The following ABCA8 variants were observed in gnomAD, a reference collection of about 807,000 sequenced individuals.
ABCA8 encodes the protein ATP binding cassette subfamily A member 8.
Under a neutral mutation model 192.3 loss-of-function variants are expected in ABCA8, and 177 were observed. The ratio of observed to expected loss-of-function variants is 0.92; its 90% confidence interval spans 0.81 to 1.04. The LOEUF is 1.04. Ranked by LOEUF, ABCA8 falls within the 50% of genes least tolerant of loss-of-function variation. The pLI, the probability that ABCA8 is intolerant of heterozygous loss-of-function variation, is 0.00. For synonymous variants in ABCA8, 642 were observed against 690.2 expected (o/e 0.93, Z 1.09); for missense variants, 1,915 against 1,904.8 (o/e 1.01, Z -0.10).
chr17:68,952,281 C>G (rs982933973), intron 1 of ABCA8, among the ~76,000 whole-genome samples: 1 of 151,968 alleles, frequency 6.6e-6, no homozygotes, highest in African/African-American at 2.4e-5. Flanking sequence ...TGCAGTGGTG[C>G]GATCTCGGCT....
Position 68,912,330 on chromosome 17 carries a change from A to T in ABCA8, c.2139-4451T>A, listed in dbSNP as rs1197008960. ...AAAATATCAACTGACATACTGAAGA[A>T]TGTATCAAAGTCTCTCAAGCAGAAG... On this transcript the variant is annotated intron_variant, in intron 17 of 39. Transcript: ENST00000586539. Among the ~76,000 whole-genome samples, 3 of 152,136 alleles carry T rather than the reference A, an allele frequency of 2.0e-5. No individual in the cohort carries two copies. The East Asian group carries it at 5.8e-4, about 29-fold the overall frequency.
rs1374591389 is a variant in ABCA8, at chr17:68,941,844, T to C, written c.96+95A>G. ...TTGCTGTATTTTAGTGTTTTTGGTG[T>C]ATGTGTCGGGGGAGATACACATGGC... On this transcript the variant is annotated intron_variant, in intron 3 of 39. Transcript: ENST00000586539. 5.2e-6 allele frequency: 4 copies of C among 774,634 alleles called. No individual in the cohort carries two copies. In the East Asian group the frequency reaches 7.7e-5, roughly 15 times the overall value. 48.0% of individuals were successfully genotyped at this position (774,634 alleles called of 1,614,324 possible).
At chr17:68,892,386 A>G (rs73998563) in intron 23 of ABCA8, among the ~76,000 whole-genome samples, 1 of 152,256 alleles carries the variant, frequency 6.6e-6, no homozygotes, top group African/African-American at 2.4e-5. Context: ...TGGCCAATCT[A>G]TTGACTTTGG....
chr17:68,923,597 CA>C (rs1224089928), intron 11 of ABCA8, among the ~76,000 whole-genome samples: 1 of 152,154 alleles, frequency 6.6e-6, no homozygotes, highest in African/African-American at 2.4e-5. Context: ...CAAAGAGGAA[CA>C]AAAAGAAACA....
At chr17:68,950,785 C>T (rs1343478168) in intron 1 of ABCA8, among the ~76,000 whole-genome samples, 2 of 152,058 alleles carry the variant, frequency 1.3e-5, no homozygotes, top group African/African-American at 2.4e-5. Context: ...AAAATGGATT[C>T]TGGAGTTGAG....
chr17:68,869,040 T>G (rs1264876701), intron 38 of ABCA8, among the ~76,000 whole-genome samples: 3 of 152,152 alleles, frequency 2.0e-5, no homozygotes, highest in Non-Finnish European at 4.4e-5. Flanking sequence ...AGACAATTCC[T>G]GATGCTCTAG....
At position 68,881,879 on chromosome 17, in the gene ABCA8, G is replaced by A. The variant is rs1415538881; in HGVS notation, c.3930C>T (p.Ser1310=). ...RKNKIATRNV[S]FCVRKGEVLG... ...ATGGCCAACCTTTTCTAACACAGAA[G>A]GAGACATTTCTCGTGGCTATCTTAT... The change falls in exon 31 of 40, where the codon TCC becomes TCT. Residue 1310 remains serine (S), a synonymous_variant. Coordinates refer to ENST00000586539, the MANE Select transcript of ABCA8 (RefSeq NM_001288985.2). 2 of 1,613,748 alleles carry A rather than the reference G, an allele frequency of 1.2e-6. No individual in the cohort carries two copies. The highest frequency in any genetic ancestry group is 1.7e-6 in the Non-Finnish European group (2 of 1,179,800).
chr17:68,928,610 T>G (rs546662625), intron 9 of ABCA8, among the ~76,000 whole-genome samples: 1 of 152,220 alleles, frequency 6.6e-6, no homozygotes, highest in African/African-American at 2.4e-5. Context: ...AAGAATCACA[T>G]AAACAGAAAA....
intron 38 of ABCA8, among the ~76,000 whole-genome samples, chr17:68,869,155 T>C (rs1474047195): frequency 2.6e-5 from 4 of 152,096 alleles, no homozygotes; most frequent in African/African-American, 4.8e-5. Flanking sequence ...GAAAACAGTA[T>C]AGCGAGAGAG....
chr17:68,894,472 T>C (rs2066696843), intron 22 of ABCA8, among the ~76,000 whole-genome samples, 162 bp from the exon 23 acceptor site: 1 of 152,178 alleles, frequency 6.6e-6, no homozygotes, highest in Admixed American at 6.5e-5. Flanking sequence ...AAATACTGTA[T>C]AAGTAAATCA....
At position 68,876,428 on chromosome 17, in the gene ABCA8, G is replaced by A. The variant is rs200844911; in HGVS notation, c.4370+32C>T. 2.9e-5 allele frequency: 46 copies of A among 1,613,506 alleles called. 1 individual carries two copies. In the Admixed American group the frequency reaches 3.5e-4, roughly 12 times the overall value. On this transcript the variant is annotated intron_variant, in intron 35 of 39. Coordinates refer to ENST00000586539, the MANE Select transcript of ABCA8 (RefSeq NM_001288985.2). ...TTCACAGGCTCCATGCAAGTCATCC[G>A]TGCTGTCCCTGACCGTGGTAATGTT... is the stretch of plus-strand genomic sequence containing the variant.
rs551378114 is a variant in ABCA8, at chr17:68,942,842, A to G, written c.-5-803T>C. ...TCCTGTCACTATTCAATAGTTCTGT[A>G]TATTAAACTTACTTCATTTAATTAC... On this transcript the variant is annotated intron_variant, in intron 2 of 39. Coordinates refer to ENST00000586539, the MANE Select transcript of ABCA8 (RefSeq NM_001288985.2). Among the ~76,000 whole-genome samples, 7 of 152,268 alleles carry G rather than the reference A, an allele frequency of 4.6e-5. No homozygotes were observed. In the South Asian group the frequency reaches 1.5e-3, roughly 32 times the overall value.
At chr17:68,906,472 G>A (rs2067071111) in intron 18 of ABCA8, among the ~76,000 whole-genome samples, 1 of 151,944 alleles carries the variant, frequency 6.6e-6, no homozygotes, top group East Asian at 1.9e-4. Flanking sequence ...GTGAGACTCT[G>A]GGTTTTTCAA....
chr17:68,932,442 T>C lies in ABCA8; in HGVS notation c.643A>G (p.Ile215Val). The change falls in exon 7 of 40, where the codon ATT becomes GTT. Residue 215 changes from isoleucine (I) to valine (V), a missense_variant. Coordinates refer to ENST00000586539, the MANE Select transcript of ABCA8 (RefSeq NM_001288985.2). ...TCAGTTATAACTCCTGATTGACCAATGAAGGAATGCATCTTCATATTTTTT... is the reference window on the plus strand; with the variant it reads ...TCAGTTATAACTCCTGATTGACCAACGAAGGAATGCATCTTCATATTTTTT... ...TGKNMKMHSF[I>V]GQSGVITDLY... 6.2e-7 allele frequency: 1 copy of C among 1,614,134 alleles called. No homozygotes were observed. Among genetic ancestry groups the C allele is most frequent in the Non-Finnish European group, 8.5e-7 (1 of 1,179,964 alleles).
At position 68,895,017 on chromosome 17, in the gene ABCA8, A is replaced by T; in HGVS notation, c.2765-4T>A. Reference sequence around the variant, plus strand: ...ATAAAGTCATCAATGCTTGCCCCTAAGGTGTAGTTAAAGATATTAGGTATC... The same window carrying T: ...ATAAAGTCATCAATGCTTGCCCCTATGGTGTAGTTAAAGATATTAGGTATC... On this transcript the variant is annotated splice_region_variant and splice_polypyrimidine_tract_variant and intron_variant, in intron 21 of 39. Coordinates refer to ENST00000586539, the MANE Select transcript of ABCA8 (RefSeq NM_001288985.2). 1 of 1,592,856 alleles carries T rather than the reference A, an allele frequency of 6.3e-7. No individual in the cohort carries two copies. The highest frequency in any genetic ancestry group is 1.2e-5 in the South Asian group (1 of 85,868).
At chr17:68,918,660 G>A (rs745695728) in intron 14 of ABCA8, 114 bp from the exon 15 acceptor site, 40 of 1,102,934 alleles carry the variant, frequency 3.6e-5, no homozygotes, top group Non-Finnish European at 4.5e-5. Flanking sequence ...TGGGTCAGGC[G>A]CGGTGGCTCA....
intron 23 of ABCA8, 140 bp from the exon 24 acceptor site, chr17:68,891,736 C>A (rs534493119): frequency 1.7e-6 from 1 of 581,620 alleles, no homozygotes; most frequent in Non-Finnish European, 2.9e-6. Flanking sequence ...CTTCATTATC[C>A]TTCCAGTTTT....
In ABCA8 at chr17:68,903,294, T is replaced by C; in HGVS notation, c.2597+7A>G. 1 of 1,614,036 alleles carries C rather than the reference T, an allele frequency of 6.2e-7. No homozygotes were observed. Among genetic ancestry groups the C allele is most frequent in the Non-Finnish European group, 8.5e-7 (1 of 1,179,986 alleles). On this transcript the variant is annotated splice_region_variant and intron_variant, in intron 20 of 39. Coordinates refer to ENST00000586539, the MANE Select transcript of ABCA8 (RefSeq NM_001288985.2). ...AAAAGAAAACCTATGGCAACTCTGA[T>C]ACTTACAGTGCTAAAAGAGCTTTTC...
In ABCA8 at chr17:68,893,976, CATTTT is replaced by C. The variant is rs942646111; in HGVS notation, c.3036+192_3036+196del. Reference sequence around the variant, plus strand: ...TATTCTCTTTGAAAAATGTTTTGTTCATTTTATTTTACTTTAAACAAATTGAAGCT... The same window carrying C: ...TATTCTCTTTGAAAAATGTTTTGTTCATTTTACTTTAAACAAATTGAAGCT... On this transcript the variant is annotated intron_variant, in intron 23 of 39. Transcript: ENST00000586539. 5 of 504,524 alleles carry C rather than the reference CATTTT, an allele frequency of 9.9e-6. No homozygotes were observed. In the African/African-American group the frequency reaches 1.0e-4, roughly 10 times the overall value. The allele number at this position is 504,524 out of a possible 1,614,324, so 31.3% of individuals were successfully genotyped here.
Sources: allele counts gnomAD v4.1 joint callset (sites outside exome capture counted in the v4.1 genomes callset), GRCh38; gene constraint gnomAD v4.1.1; transcripts MANE v1.5; gene names NCBI Gene and HGNC (gene_info 2026-07-23, HGNC 2026-07-21).